Variants in ADAMTSL3 observed in about 807,000 individuals in gnomAD.
ADAMTSL3 encodes ADAMTS like 3, also known as ADAMTS-like protein 3.
In ADAMTSL3, 128 loss-of-function variants were observed where a neutral mutation model predicts 201.7. That is an observed-to-expected ratio of 0.63 (90% CI 0.55 to 0.73). The LOEUF is 0.73. Ranked by LOEUF, ADAMTSL3 falls within the 30% of genes least tolerant of loss-of-function variation. The probability of loss-of-function intolerance (pLI) is 0.00; values close to 1 mark genes in which losing one functional copy is unlikely to be tolerated. For missense variants in ADAMTSL3, 1,990 were observed against 2,119.6 expected (o/e 0.94, Z 1.20); for synonymous variants, 738 against 748.4 (o/e 0.99, Z 0.23).
chr15:83,727,058 T>C (rs1169799869), intron 3 of ADAMTSL3, among the ~76,000 whole-genome samples: 1 of 152,000 alleles, frequency 6.6e-6, no homozygotes, highest in African/African-American at 2.4e-5. Context: ...TAATTATGGC[T>C]TCAATCACAT....
chr15:83,792,622 A>G (rs1056117700), intron 4 of ADAMTSL3, among the ~76,000 whole-genome samples: 2 of 152,136 alleles, frequency 1.3e-5, no homozygotes, highest in African/African-American at 4.8e-5. Flanking sequence ...TGTCTCTACT[A>G]AAGATACAAA....
chr15:84,031,303 G>T (rs1384806495), intron 27 of ADAMTSL3, 32 bp from the exon 28 acceptor site: 3 of 1,600,230 alleles, frequency 1.9e-6, no homozygotes, highest in Non-Finnish European at 1.7e-6. Context: ...GAGCTTGCAG[G>T]ATTTACACTG....
intron 3 of ADAMTSL3, among the ~76,000 whole-genome samples, chr15:83,766,368 G>T (rs1596166789): frequency 6.6e-6 from 1 of 152,344 alleles, no homozygotes; most frequent in East Asian, 1.9e-4. Flanking sequence ...ATGAACGAAT[G>T]CATGTGAGTT....
chr15:84,017,210 C>T (rs553402953), intron 25 of ADAMTSL3, among the ~76,000 whole-genome samples: 4 of 152,270 alleles, frequency 2.6e-5, no homozygotes, highest in Admixed American at 2.6e-4. Context: ...CTCCGCCTCC[C>T]AGGTTCATGC....
chr15:83,750,310 T>TG (rs2062618757), intron 3 of ADAMTSL3, among the ~76,000 whole-genome samples: 1 of 152,182 alleles, frequency 6.6e-6, no homozygotes, highest in Non-Finnish European at 1.5e-5. Context: ...ACTTAAATAA[T>TG]AATGAAAACG....
intron 2 of ADAMTSL3, among the ~76,000 whole-genome samples, chr15:83,682,285 G>T (rs947139460): frequency 6.6e-6 from 1 of 151,254 alleles, no homozygotes; most frequent in Non-Finnish European, 1.5e-5. Context: ...AGGTTCACAG[G>T]ACAAGTGAGG....
intron 3 of ADAMTSL3, 31 bp from the exon 4 acceptor site, chr15:83,773,492 T>A: frequency 6.2e-7 from 1 of 1,610,006 alleles, no homozygotes; most frequent in Non-Finnish European, 8.5e-7. Flanking sequence ...TGTGTGGTTT[T>A]TTTTTTGTTT....
At chr15:83,700,592 C>T (rs1308594232) in intron 2 of ADAMTSL3, among the ~76,000 whole-genome samples, 2 of 152,022 alleles carry the variant, frequency 1.3e-5, no homozygotes, top group Admixed American at 6.6e-5. Context: ...GGTGAAACCC[C>T]GTCTCTACTA....
chr15:83,915,154 A>G (rs926238193), intron 16 of ADAMTSL3, among the ~76,000 whole-genome samples: 2 of 152,216 alleles, frequency 1.3e-5, no homozygotes, highest in Non-Finnish European at 2.9e-5. Context: ...GGAGAGCAGA[A>G]GCAAGCCCAG....
At chr15:83,908,565 CT>C (rs1319936610) in intron 15 of ADAMTSL3, among the ~76,000 whole-genome samples, 1 of 152,296 alleles carries the variant, frequency 6.6e-6, no homozygotes, top group East Asian at 1.9e-4. Flanking sequence ...TCATAGGACT[CT>C]GATTCTGTCT....
chr15:83,870,242 G>A (rs143308665), intron 8 of ADAMTSL3, among the ~76,000 whole-genome samples: 108 of 152,250 alleles, frequency 7.1e-4, no homozygotes, highest in African/African-American at 2.2e-3. Context: ...TGCACATATT[G>A]TACCAGTGTC....
chr15:83,720,794 T>G (rs1179787558), intron 3 of ADAMTSL3, among the ~76,000 whole-genome samples: 1 of 152,214 alleles, frequency 6.6e-6, no homozygotes, highest in Admixed American at 6.6e-5. Flanking sequence ...CCTGCCCCAT[T>G]ACAGGATAGT....
chr15:83,962,951 A>G (rs890599945), intron 19 of ADAMTSL3, among the ~76,000 whole-genome samples: 2 of 152,186 alleles, frequency 1.3e-5, no homozygotes, highest in African/African-American at 4.8e-5. Flanking sequence ...GGAAGCCGTG[A>G]GGGACTGTGC....
At chr15:83,859,822 C>T (rs1275572597) in intron 8 of ADAMTSL3, among the ~76,000 whole-genome samples, 1 of 152,154 alleles carries the variant, frequency 6.6e-6, no homozygotes, top group African/African-American at 2.4e-5. Context: ...TAAGATTAAT[C>T]CCCTCATGGG....
chr15:83,839,375 G>A (rs2064332552), intron 7 of ADAMTSL3, among the ~76,000 whole-genome samples: 1 of 152,158 alleles, frequency 6.6e-6, no homozygotes, highest in Non-Finnish European at 1.5e-5. Flanking sequence ...TGTTGTTCAG[G>A]CCTGACTGTA....
intron 3 of ADAMTSL3, among the ~76,000 whole-genome samples, chr15:83,767,018 G>A (rs772708102): frequency 2.6e-5 from 4 of 152,096 alleles, no homozygotes; most frequent in South Asian, 2.1e-4. Context: ...CGCTTGAACC[G>A]GGGAGGCAGA....
intron 9 of ADAMTSL3, among the ~76,000 whole-genome samples, chr15:83,878,865 G>A (rs1251347276): frequency 6.6e-6 from 1 of 152,054 alleles, no homozygotes; most frequent in Non-Finnish European, 1.5e-5. Context: ...CTCTGCAATA[G>A]TTTGCAAACG....
At chr15:83,711,901 C>T (rs1308553358) in intron 3 of ADAMTSL3, among the ~76,000 whole-genome samples, 1 of 151,910 alleles carries the variant, frequency 6.6e-6, no homozygotes, top group Admixed American at 6.5e-5. Context: ...ATTTTTATCA[C>T]TTACACCCTA....
At chr15:83,894,043 A>G (rs1231386581) in intron 13 of ADAMTSL3, among the ~76,000 whole-genome samples, 1 of 152,196 alleles carries the variant, frequency 6.6e-6, no homozygotes, top group Non-Finnish European at 1.5e-5. Flanking sequence ...ATCTAGTTGC[A>G]CAGACATGCA....
Sources: gnomAD v4.1 joint callset for allele counts (sites outside exome capture counted in the v4.1 genomes callset) on GRCh38, gnomAD v4.1.1 for gene constraint, MANE v1.5 for transcripts, NCBI Gene and HGNC (gene_info 2026-07-23, HGNC 2026-07-21) for gene names.